The following TLE4 variants were observed in gnomAD, a reference collection of about 807,000 sequenced individuals.
TLE4 encodes the protein TLE family member 4, transcriptional corepressor, also known as transducin-like enhancer protein 4.
Under a neutral mutation model 92.8 loss-of-function variants are expected in TLE4, and 8 were observed. The ratio of observed to expected loss-of-function variants is 0.09; its 90% CI spans 0.05 to 0.16. TLE4 has a LOEUF of 0.16. TLE4 is among the 10% of genes least tolerant of loss of function. TLE4 has a pLI of 1.00. For synonymous variants in TLE4, 371 were observed against 374.1 expected (o/e 0.99, Z 0.10); for missense variants, 675 against 997.6 (o/e 0.68, Z 4.36).
rs1248292395 is a variant in TLE4, at chr9:79,612,680, G to A, written c.277G>A (p.Ala93Thr). Reference protein sequence around the residue: ...KQAEIVKRLNAICAQVIPFLS... With the variant: ...KQAEIVKRLNTICAQVIPFLS... ...GGCAGAGATTGTCAAGAGGCTGAAT[G>A]CTATCTGTGCACAAGTCATTCCTTT... The change falls in exon 5 of 20, where the codon GCT (alanine) becomes ACT (threonine). Residue 93 changes from alanine to threonine, a missense_variant. This residue lies in a region of TLE4 where 68 missense variants were observed against 141.2 expected (regional missense o/e 0.48). Transcript: ENST00000376552. 1 of 1,613,172 alleles carries A rather than the reference G, an allele frequency of 6.2e-7. No individual in the cohort carries two copies. The highest frequency in any genetic ancestry group is 1.1e-5 in the South Asian group (1 of 91,060).
chr9:79,584,285 A>G (rs1006332392), intron 4 of TLE4, among the ~76,000 whole-genome samples: 4 of 152,116 alleles, frequency 2.6e-5, no homozygotes, highest in Non-Finnish European at 4.4e-5. Context: ...GAGAGATCTG[A>G]TCTGTGTTTG....
At chr9:79,650,771 T>A (rs1223354114) in intron 6 of TLE4, among the ~76,000 whole-genome samples, 2 of 152,116 alleles carry the variant, frequency 1.3e-5, no homozygotes, top group East Asian at 3.9e-4. Flanking sequence ...TTCCATTTTC[T>A]GCTTGTAAAC....
chr9:79,691,212 C>T (rs2067008766), intron 8 of TLE4, among the ~76,000 whole-genome samples: 1 of 152,108 alleles, frequency 6.6e-6, no homozygotes, highest in Non-Finnish European at 1.5e-5. Flanking sequence ...CTGTTACCTG[C>T]CAGATCCACT....
chr9:79,709,238 G>A (rs964909208), intron 13 of TLE4, among the ~76,000 whole-genome samples: 5 of 152,026 alleles, frequency 3.3e-5, no homozygotes, highest in African/African-American at 7.2e-5. Flanking sequence ...ATTTTCTTTT[G>A]TAAGGTGAAG....
chr9:79,662,293 C>T (rs1272815613), intron 8 of TLE4, among the ~76,000 whole-genome samples: 8 of 152,086 alleles, frequency 5.3e-5, no homozygotes, highest in Non-Finnish European at 1.2e-4. Context: ...TTTCAAGTTG[C>T]TGACTTCAAA....
chr9:79,667,973 T>A (rs924050923), intron 8 of TLE4, among the ~76,000 whole-genome samples: 2 of 152,222 alleles, frequency 1.3e-5, no homozygotes, highest in Admixed American at 6.5e-5. Flanking sequence ...AGAGCCCTAT[T>A]TAGTAGTTTA....
intron 6 of TLE4, among the ~76,000 whole-genome samples, chr9:79,642,482 A>T (rs866341355): frequency 5.9e-5 from 9 of 151,974 alleles, no homozygotes; most frequent in Non-Finnish European, 8.8e-5. Context: ...TTCTGAGTAC[A>T]TTCCCTTAGC....
At chr9:79,644,399 G>A (rs893808281) in intron 6 of TLE4, among the ~76,000 whole-genome samples, 6 of 152,112 alleles carry the variant, frequency 3.9e-5, no homozygotes, top group African/African-American at 1.2e-4. Context: ...GGACTAATAC[G>A]CTGTGCTAAG....
At chr9:79,603,891 C>A (rs2046243300) in intron 4 of TLE4, among the ~76,000 whole-genome samples, 1 of 152,144 alleles carries the variant, frequency 6.6e-6, no homozygotes, top group African/African-American at 2.4e-5. Flanking sequence ...TACTAGGGGT[C>A]TGGTCTGTGG....
intron 4 of TLE4, among the ~76,000 whole-genome samples, chr9:79,596,194 G>T (rs2043972772): frequency 6.6e-6 from 1 of 152,072 alleles, no homozygotes; most frequent in Non-Finnish European, 1.5e-5. Flanking sequence ...AAGTCACAAA[G>T]AATTTTTATT....
rs754462859 is a variant in TLE4 at position 79,722,637 on chromosome 9, A to G, written c.2137+36A>G. The G allele has an allele frequency of 5.6e-6, 9 of 1,606,768 alleles. No homozygotes were observed. The East Asian group carries it at 2.0e-4, about 36-fold the overall frequency. On this transcript the variant is annotated intron_variant, in intron 18 of 19. Coordinates refer to ENST00000376552, the MANE Select transcript of TLE4 (RefSeq NM_007005.6). ...ACCTTTTGTCCATTTTCTGTCAACC[A>G]GAATTGCTCCTTCCCCCTTCCTGTG... is the stretch of plus-strand genomic sequence containing the variant.
At chr9:79,679,561 T>A (rs1036373928) in intron 8 of TLE4, among the ~76,000 whole-genome samples, 4 of 152,194 alleles carry the variant, frequency 2.6e-5, no homozygotes, top group African/African-American at 9.7e-5. Context: ...TCCCATTTTA[T>A]AGGTTGCCTG....
Position 79,652,729 on chromosome 9 carries a change from TAGG to T in TLE4, c.531_533del (p.Gly178del). 2.5e-6 allele frequency: 4 copies of T among 1,614,172 alleles called. No homozygotes were observed. In the Middle Eastern group the frequency reaches 4.9e-4, roughly 200 times the overall value. The stretch of plus-strand genomic sequence containing the variant: ...GGGCTTCTGGCCCTCTCCAGTGCTC[TAGG>T]AGGTCAGTCCCATCTTCCAATTAAA... On this transcript the variant is annotated inframe_deletion, in exon 7 of 20. Transcript: ENST00000376552.
chr9:79,673,747 A>C (rs2062797914), intron 8 of TLE4, among the ~76,000 whole-genome samples: 1 of 152,172 alleles, frequency 6.6e-6, no homozygotes, highest in Non-Finnish European at 1.5e-5. Flanking sequence ...TTTACATGTT[A>C]CTTCTTGTCA....
At chr9:79,601,594 G>T in intron 4 of TLE4, 2 of 413,910 alleles carry the variant, frequency 4.8e-6, no homozygotes, top group South Asian at 3.5e-5. Context: ...TGTTACTATT[G>T]TAATAGTTTT....
chr9:79,619,152 T>C (rs2133271469), intron 5 of TLE4, among the ~76,000 whole-genome samples: 1 of 152,316 alleles, frequency 6.6e-6, no homozygotes, highest in East Asian at 1.9e-4. Context: ...ATAGTGATAA[T>C]ATGAGTTTAT....
intron 8 of TLE4, among the ~76,000 whole-genome samples, chr9:79,677,967 T>G (rs1483036603): frequency 6.6e-6 from 1 of 152,148 alleles, no homozygotes; most frequent in African/African-American, 2.4e-5. Flanking sequence ...TGAATGCTTC[T>G]TTATGTATAA....
chr9:79,625,620 T>C (rs1253694184), intron 5 of TLE4, among the ~76,000 whole-genome samples: 1 of 152,110 alleles, frequency 6.6e-6, no homozygotes, highest in Admixed American at 6.5e-5. Context: ...AATCAAATTG[T>C]CTTCAATGTG....
rs1399974304 is a variant in TLE4, at chr9:79,572,711, C to T, written c.-80C>T. On this transcript the variant is annotated 5_prime_UTR_variant, in exon 1 of 20. Coordinates refer to ENST00000376552, the MANE Select transcript of TLE4 (RefSeq NM_007005.6). The stretch of plus-strand genomic sequence containing the variant: ...AGACCGAGCCGGCCGCCTCCGCTGC[C>T]GCGGCCGCCTCCTCTTCGGGGTCAT... The T allele has an allele frequency of 5.4e-6, 8 of 1,490,412 alleles. No individual in the cohort carries two copies. The East Asian group carries it at 2.1e-4, about 39-fold the overall frequency. 92.3% of individuals were successfully genotyped at this position (1,490,412 alleles called of 1,614,324 possible).
Sources: allele counts gnomAD v4.1 joint callset (sites outside exome capture counted in the v4.1 genomes callset), GRCh38; gene constraint gnomAD v4.1.1; regional missense constraint gnomAD v4.1.1; transcripts MANE v1.5; gene names NCBI Gene and HGNC (gene_info 2026-07-23, HGNC 2026-07-21).